Variants in LHCGR observed in about 807,000 individuals in gnomAD.
The protein encoded by LHCGR is lutropin-choriogonadotropic hormone receptor.
A neutral mutation model predicts 60.7 loss-of-function variants in LHCGR; 55 were observed. That is an observed-to-expected ratio of 0.91 (90% confidence interval 0.73 to 1.13). The LOEUF (loss-of-function observed/expected upper bound fraction) is 1.13. LHCGR is among the 50% of genes most tolerant of loss of function. The probability of loss-of-function intolerance (pLI) is 0.00; values close to 1 mark genes in which losing one functional copy is unlikely to be tolerated. For synonymous variants in LHCGR, 337 were observed against 316.5 expected (o/e 1.06, Z -0.69); for missense variants, 862 against 836.0 (o/e 1.03, Z -0.38).
chr2:48,698,887 G>A, intron 8 of LHCGR, 87 bp from the exon 9 acceptor site: 2 of 1,155,850 alleles, frequency 1.7e-6, no homozygotes, highest in Admixed American at 2.1e-5. Flanking sequence ...CGTCGCCCAG[G>A]CTGGAGTGCA....
At chr2:48,715,769 A>C (rs1382976132) in intron 6 of LHCGR, among the ~76,000 whole-genome samples, 1 of 152,260 alleles carries the variant, frequency 6.6e-6, no homozygotes, top group Non-Finnish European at 1.5e-5. Context: ...GGTGTGACTC[A>C]TGTTGAAGTA....
In LHCGR at chr2:48,701,373, T is replaced by G. The variant is rs140717444; in HGVS notation, c.681-2573A>C. ...CTCTGCCACGTCTCTGTCCTTATATTCTGTGATTCCCTTCTTTGCTCCCTC... is the reference window on the plus strand; with the variant it reads ...CTCTGCCACGTCTCTGTCCTTATATGCTGTGATTCCCTTCTTTGCTCCCTC... On this transcript the variant is annotated intron_variant, in intron 8 of 10. Transcript: ENST00000294954. Among the ~76,000 whole-genome samples the G allele has an allele frequency of 1.6e-4, 24 of 152,274 alleles. 1 individual carries two copies. The East Asian group carries it at 4.6e-3, about 29-fold the overall frequency.
intron 3 of LHCGR, among the ~76,000 whole-genome samples, chr2:48,728,030 A>G (rs1434381992): frequency 6.6e-6 from 1 of 152,170 alleles, no homozygotes; most frequent in Non-Finnish European, 1.5e-5. Context: ...CATGTGGCCC[A>G]GGATGGCTTT....
intron 10 of LHCGR, among the ~76,000 whole-genome samples, chr2:48,690,632 CT>C (rs1680186162): frequency 6.6e-6 from 1 of 152,174 alleles, no homozygotes; most frequent in African/African-American, 2.4e-5. Flanking sequence ...GTACGTACTT[CT>C]GCCTAGAATT....
At chr2:48,705,694 C>T (rs1232227459) in intron 8 of LHCGR, among the ~76,000 whole-genome samples, 1 of 151,404 alleles carries the variant, frequency 6.6e-6, no homozygotes, top group Non-Finnish European at 1.5e-5. Context: ...TCTATTTTAT[C>T]AGAGACTAGG....
intron 1 of LHCGR, among the ~76,000 whole-genome samples, chr2:48,751,955 T>C (rs1669975405): frequency 1.3e-5 from 2 of 152,238 alleles, no homozygotes; most frequent in African/African-American, 4.8e-5. Flanking sequence ...CAGATCAACC[T>C]TTCTGTTGTC....
At chr2:48,729,283 C>A in intron 2 of LHCGR, 56 bp from the exon 3 acceptor site, 1 of 1,326,526 alleles carries the variant, frequency 7.5e-7, no homozygotes, top group Non-Finnish European at 1.1e-6. Context: ...ATGACCGTGT[C>A]TGCATGATTA....
In LHCGR at chr2:48,698,665, C is replaced by T; in HGVS notation, c.816G>A (p.Thr272=). 3 of 1,614,110 alleles carry T rather than the reference C, an allele frequency of 1.9e-6. No individual in the cohort carries two copies. Among genetic ancestry groups the T allele is most frequent in the South Asian group, 1.1e-5 (1 of 91,080 alleles). ...RETFVNLLEA[T]LTYPSHCCAF... is the part of the protein sequence containing the mutation. Reference sequence around the variant, plus strand: ...CACAGCAGTGGCTGGGGTAAGTCAACGTGGCCTCCAGGAGATTGACAAATG... The same window carrying T: ...CACAGCAGTGGCTGGGGTAAGTCAATGTGGCCTCCAGGAGATTGACAAATG... The change falls in exon 9 of 11, where the codon ACG becomes ACA. Residue 272 remains threonine (T), a synonymous_variant. Transcript: ENST00000294954.
chr2:48,728,355 A>G (rs1387362697), intron 3 of LHCGR, among the ~76,000 whole-genome samples: 1 of 152,176 alleles, frequency 6.6e-6, no homozygotes, highest in African/African-American at 2.4e-5. Context: ...AGCTCAAAAA[A>G]TGTTTGATGC....
At chr2:48,732,184 C>T (rs1277606469) in intron 1 of LHCGR, among the ~76,000 whole-genome samples, 4 of 152,114 alleles carry the variant, frequency 2.6e-5, no homozygotes, top group South Asian at 4.2e-4. Context: ...AAGGCAGGGA[C>T]GAACATGCAG....
At chr2:48,690,896 G>A (rs1317146323) in intron 10 of LHCGR, among the ~76,000 whole-genome samples, 2 of 152,316 alleles carry the variant, frequency 1.3e-5, no homozygotes, top group Middle Eastern at 6.8e-3. Context: ...GCCTAGCACA[G>A]TTTTGGCTCA....
intron 1 of LHCGR, among the ~76,000 whole-genome samples, chr2:48,751,544 C>G (rs1005633119): frequency 1.3e-5 from 2 of 152,152 alleles, no homozygotes; most frequent in Non-Finnish European, 2.9e-5. Context: ...TGTTGTCTTT[C>G]TCTCTACACC....
chr2:48,750,385 C>T (rs1294217790), intron 1 of LHCGR, among the ~76,000 whole-genome samples: 1 of 152,124 alleles, frequency 6.6e-6, no homozygotes, highest in Non-Finnish European at 1.5e-5. Context: ...AAAATGAAAA[C>T]AATCTAGATG....
intron 8 of LHCGR, among the ~76,000 whole-genome samples, chr2:48,708,587 C>A (rs931257420): frequency 6.6e-6 from 1 of 151,904 alleles, no homozygotes; most frequent in African/African-American, 2.4e-5. Flanking sequence ...CACACATACA[C>A]AATGTACCAT....
intron 8 of LHCGR, among the ~76,000 whole-genome samples, chr2:48,706,038 T>C (rs1667649280): frequency 6.6e-6 from 1 of 152,250 alleles, no homozygotes; most frequent in African/African-American, 2.4e-5. Flanking sequence ...GCACTGGTTG[T>C]TCCTTTCCAT....
At chr2:48,690,894 C>CAGTTTTGG (rs1297022332) in intron 10 of LHCGR, among the ~76,000 whole-genome samples, 1 of 152,210 alleles carries the variant, frequency 6.6e-6, no homozygotes, top group East Asian at 1.9e-4. Flanking sequence ...GTGCCTAGCA[C>CAGTTTTGG]AGTTTTGGCT....
intron 6 of LHCGR, among the ~76,000 whole-genome samples, chr2:48,719,006 G>A (rs1668381086): frequency 6.6e-6 from 1 of 152,198 alleles, no homozygotes; most frequent in Admixed American, 6.5e-5. Context: ...AAGGGTGACA[G>A]GCATCAGAAA....
intron 6 of LHCGR, among the ~76,000 whole-genome samples, chr2:48,714,483 C>A (rs1365880062): frequency 7.1e-6 from 1 of 139,928 alleles, no homozygotes; most frequent in Non-Finnish European, 1.6e-5. Context: ...ACTGAGCCCA[C>A]TTTTTTTTTT....
At chr2:48,717,067 T>C (rs1176490648) in intron 6 of LHCGR, among the ~76,000 whole-genome samples, 1 of 152,154 alleles carries the variant, frequency 6.6e-6, no homozygotes, top group Non-Finnish European at 1.5e-5. Flanking sequence ...AATCAGATGG[T>C]CATTGGCTTG....
Sources: allele counts gnomAD v4.1 joint callset (sites outside exome capture counted in the v4.1 genomes callset), GRCh38; gene constraint gnomAD v4.1.1; transcripts MANE v1.5; gene names NCBI Gene and HGNC (gene_info 2026-07-23, HGNC 2026-07-21).